Variants in NEK11 observed in about 807,000 individuals in gnomAD.
The protein encoded by NEK11 is NIMA related kinase 11, also known as serine/threonine-protein kinase Nek11.
NEK11 carries 72 observed loss-of-function variants against 80.7 expected under a neutral mutation model. The observed-to-expected ratio is 0.89, with a 90% CI of 0.74 to 1.08. NEK11 has a LOEUF of 1.08. Ranked by LOEUF, NEK11 falls within the 50% of genes least tolerant of loss-of-function variation. The pLI is 0.00. For synonymous variants in NEK11, 251 were observed against 260.7 expected (o/e 0.96, Z 0.36); for missense variants, 764 against 763.6 (o/e 1.00, Z -0.01).
chr3:131,059,402 T>C (rs529050118), intron 3 of NEK11, among the ~76,000 whole-genome samples: 49 of 152,346 alleles, frequency 3.2e-4, no homozygotes, highest in African/African-American at 1.1e-3. Flanking sequence ...CACATATTTT[T>C]GATGTTACTG....
At chr3:131,184,728 G>A (rs548445983) in intron 14 of NEK11, 399 of 1,245,026 alleles carry the variant, frequency 3.2e-4, no homozygotes, top group Non-Finnish European at 3.7e-4. Flanking sequence ...TTCACTAGAC[G>A]AATACTGGAA....
intron 14 of NEK11, among the ~76,000 whole-genome samples, chr3:131,207,805 T>TGG (rs1163176224): frequency 1.3e-5 from 2 of 152,162 alleles, no homozygotes. Flanking sequence ...CCACATTTGA[T>TGG]GGGGTTGTTT....
At chr3:131,105,832 C>A (rs1170689820) in intron 4 of NEK11, among the ~76,000 whole-genome samples, 2 of 152,138 alleles carry the variant, frequency 1.3e-5, no homozygotes, top group Non-Finnish European at 2.9e-5. Context: ...AATATCCAGT[C>A]AGTTTTTTTC....
chr3:131,045,168 A>G (rs1288942498), intron 3 of NEK11, among the ~76,000 whole-genome samples: 1 of 152,224 alleles, frequency 6.6e-6, no homozygotes, highest in Non-Finnish European at 1.5e-5. Flanking sequence ...AGAAAATGGG[A>G]AAGATCTAAA....
chr3:131,033,997 C>T (rs897614249), intron 3 of NEK11, among the ~76,000 whole-genome samples: 3 of 152,170 alleles, frequency 2.0e-5, no homozygotes, highest in Non-Finnish European at 4.4e-5. Flanking sequence ...TATAGACACT[C>T]TAGTCTAATT....
At chr3:131,163,589 G>A (rs995707207) in intron 11 of NEK11, among the ~76,000 whole-genome samples, 9 of 152,084 alleles carry the variant, frequency 5.9e-5, no homozygotes, top group African/African-American at 2.2e-4. Context: ...GGGCAGGGGG[G>A]CATGAATGGG....
chr3:131,167,071 A>G (rs1185661959), intron 12 of NEK11, among the ~76,000 whole-genome samples: 2 of 152,246 alleles, frequency 1.3e-5, no homozygotes, highest in African/African-American at 4.8e-5. Context: ...AAATGGGGAC[A>G]TACTTTTCTA....
At chr3:131,115,952 T>TTCTTTTTCTTTCTTTCTTTCTTTC in intron 5 of NEK11, among the ~76,000 whole-genome samples, 1 of 133,208 alleles carries the variant, frequency 7.5e-6, no homozygotes, top group Non-Finnish European at 1.6e-5. Flanking sequence ...CTTTCTTTCT[T>TTCTTTTTCTTTCTTTCTTTCTTTC]TCTTTCTTTC....
intron 3 of NEK11, among the ~76,000 whole-genome samples, chr3:131,068,921 A>G (rs1207462120): frequency 6.6e-6 from 1 of 152,186 alleles, no homozygotes; most frequent in Non-Finnish European, 1.5e-5. Flanking sequence ...TTCCCTTTCC[A>G]TCTCAAACTT....
At chr3:131,038,700 G>T (rs1027903353) in intron 3 of NEK11, among the ~76,000 whole-genome samples, 3 of 152,092 alleles carry the variant, frequency 2.0e-5, no homozygotes, top group African/African-American at 7.2e-5. Context: ...TTACATTACT[G>T]TTGTTTGAAA....
chr3:131,222,497 G>T (rs2095056886), intron 14 of NEK11, among the ~76,000 whole-genome samples: 2 of 152,176 alleles, frequency 1.3e-5, no homozygotes, highest in Admixed American at 1.3e-4. Context: ...GGGAGTAGTT[G>T]AATTACTTAT....
intron 4 of NEK11, among the ~76,000 whole-genome samples, chr3:131,081,203 T>G (rs1157498164): frequency 6.6e-6 from 1 of 152,236 alleles, no homozygotes; most frequent in Admixed American, 6.5e-5. Context: ...TAGAATGGTC[T>G]GATGCTTAGA....
At chr3:131,287,924 T>G (rs2096492797) in intron 17 of NEK11, among the ~76,000 whole-genome samples, 1 of 152,228 alleles carries the variant, frequency 6.6e-6, no homozygotes, top group Non-Finnish European at 1.5e-5. Context: ...TAGATTTACA[T>G]GCATTCCATG....
intron 17 of NEK11, among the ~76,000 whole-genome samples, chr3:131,339,206 A>G (rs2097248776): frequency 6.6e-6 from 1 of 152,178 alleles, no homozygotes; most frequent in Admixed American, 6.5e-5. Flanking sequence ...TTCATGACTC[A>G]CAAAGTGTCT....
intron 17 of NEK11, among the ~76,000 whole-genome samples, chr3:131,335,187 T>C (rs2097160996): frequency 1.3e-5 from 2 of 152,172 alleles, no homozygotes; most frequent in South Asian, 4.1e-4. Context: ...TTAAGACCAA[T>C]ATCCTTGATG....
At chr3:131,312,362 G>C (rs1377140070) in intron 17 of NEK11, among the ~76,000 whole-genome samples, 2 of 152,168 alleles carry the variant, frequency 1.3e-5, no homozygotes, top group African/African-American at 4.8e-5. Context: ...GGAAAGCCAT[G>C]ACCTTGGGGC....
intron 17 of NEK11, among the ~76,000 whole-genome samples, chr3:131,323,416 A>G (rs1478039313): frequency 6.6e-6 from 1 of 152,022 alleles, no homozygotes; most frequent in Non-Finnish European, 1.5e-5. Context: ...CGATTCCCCA[A>G]TCTCAGCTGT....
chr3:131,260,218 A>G (rs1164658694), intron 16 of NEK11, among the ~76,000 whole-genome samples: 5 of 151,614 alleles, frequency 3.3e-5, no homozygotes, highest in Admixed American at 1.3e-4. Context: ...ATCACATGAA[A>G]CTCGTTATTT....
At chr3:131,203,765 GTGTATATATATATATA>G (rs1157138764) in intron 14 of NEK11, among the ~76,000 whole-genome samples, 54 of 104,296 alleles carry the variant, frequency 5.2e-4, no homozygotes, top group African/African-American at 2.2e-3. Context: ...GTGTGTGTGT[GTGTATATATATATATA>G]TATATATATA....
Sources: allele counts gnomAD v4.1 joint callset (sites outside exome capture counted in the v4.1 genomes callset), GRCh38; gene constraint gnomAD v4.1.1; transcripts MANE v1.5; gene names NCBI Gene and HGNC (gene_info 2026-07-23, HGNC 2026-07-21).